The following EYA2 variants were observed in gnomAD, a reference collection of about 807,000 sequenced individuals.
EYA2 encodes the protein EYA transcriptional coactivator and phosphatase 2, also known as protein phosphatase EYA2.
In EYA2, 31 loss-of-function variants were observed where a neutral mutation model predicts 69.2. The ratio of observed to expected loss-of-function variants is 0.45; its 90% confidence interval spans 0.34 to 0.60. The LOEUF is 0.60. Ranked by LOEUF, EYA2 falls within the 20% of genes least tolerant of loss-of-function variation. The pLI is 0.02. For synonymous variants in EYA2, 257 were observed against 279.4 expected, an observed-to-expected ratio of 0.92 and a Z score of 0.80; for missense variants, 622 against 701.2, an observed-to-expected ratio of 0.89 and a Z score of 1.28.
rs11472093 is a variant in EYA2 at position 47,184,592 on chromosome 20, A to AT, written c.1536+1212dup. Among the ~76,000 whole-genome samples the AT allele has an allele frequency of 1.3e-3, 193 of 145,816 alleles. 1 individual carries two copies. The highest frequency in any genetic ancestry group is 1.5e-3 in the African/African-American group (60 of 39,720). Reference sequence around the variant, plus strand: ...CCACCATACCTGGTTAATTTTTTGTATTTTTTTTTTTATAGAGATGGGGTT... The same window carrying AT: ...CCACCATACCTGGTTAATTTTTTGTATTTTTTTTTTTTATAGAGATGGGGTT... On this transcript the variant is annotated intron_variant, in intron 15 of 15. Transcript: ENST00000327619.
At chr20:46,904,733 A>G (rs1329815339) in intron 1 of EYA2, among the ~76,000 whole-genome samples, 1 of 152,218 alleles carries the variant, frequency 6.6e-6, no homozygotes, top group Admixed American at 6.5e-5. Flanking sequence ...CTGGCTTTGA[A>G]TGGTGCCCAC....
chr20:47,121,372 C>T (rs192785246), intron 9 of EYA2, among the ~76,000 whole-genome samples: 1 of 152,338 alleles, frequency 6.6e-6, no homozygotes, highest in East Asian at 1.9e-4. Context: ...GAATTACACG[C>T]ATGAGCCACC....
At chr20:46,986,307 T>C (rs1981180059) in intron 1 of EYA2, among the ~76,000 whole-genome samples, 1 of 137,732 alleles carries the variant, frequency 7.3e-6, no homozygotes, top group Admixed American at 7.2e-5. Flanking sequence ...ATGTATATAT[T>C]ATATATTATA....
chr20:46,952,417 T>C (rs1431211674), intron 1 of EYA2, among the ~76,000 whole-genome samples: 1 of 152,196 alleles, frequency 6.6e-6, no homozygotes, highest in Non-Finnish European at 1.5e-5. Flanking sequence ...GCTGGCCTCA[T>C]TTAACCTCCT....
chr20:47,011,345 C>T (rs1336180679), intron 4 of EYA2, among the ~76,000 whole-genome samples: 2 of 152,174 alleles, frequency 1.3e-5, no homozygotes, highest in East Asian at 1.9e-4. Context: ...CACGGAGCAC[C>T]TGCTCAGGGG....
chr20:47,178,163 A>G (rs1345500284), intron 12 of EYA2, among the ~76,000 whole-genome samples: 1 of 152,170 alleles, frequency 6.6e-6, no homozygotes, highest in Non-Finnish European at 1.5e-5. Context: ...CCCCACCTCT[A>G]TGAAAAATAC....
chr20:47,127,502 G>A (rs1319767579), intron 9 of EYA2, among the ~76,000 whole-genome samples: 1 of 152,246 alleles, frequency 6.6e-6, no homozygotes, highest in Non-Finnish European at 1.5e-5. Flanking sequence ...TACTCAGGAG[G>A]CTGAGGCAGG....
intron 1 of EYA2, among the ~76,000 whole-genome samples, chr20:46,969,369 C>A (rs1252006698): frequency 6.6e-6 from 1 of 152,200 alleles, no homozygotes; most frequent in Non-Finnish European, 1.5e-5. Context: ...AGGCATGAGC[C>A]ACCGTGCCCG....
At chr20:47,097,787 C>G (rs2032295686) in intron 9 of EYA2, among the ~76,000 whole-genome samples, 3 of 152,154 alleles carry the variant, frequency 2.0e-5, no homozygotes, top group African/African-American at 7.2e-5. Flanking sequence ...CAAACCTTGT[C>G]AATTATTTGG....
intron 5 of EYA2, among the ~76,000 whole-genome samples, chr20:47,047,045 A>G (rs2030075423): frequency 6.6e-6 from 1 of 152,192 alleles, no homozygotes; most frequent in Non-Finnish European, 1.5e-5. Flanking sequence ...CTCATTTTCT[A>G]AAATGTATCG....
intron 1 of EYA2, among the ~76,000 whole-genome samples, chr20:46,948,768 T>C (rs1220108471): frequency 6.6e-6 from 1 of 152,244 alleles, no homozygotes; most frequent in Non-Finnish European, 1.5e-5. Context: ...AAGGTAACTG[T>C]CAGTTCCAAA....
intron 5 of EYA2, among the ~76,000 whole-genome samples, chr20:47,050,249 G>A (rs1208073320): frequency 6.6e-6 from 1 of 152,178 alleles, no homozygotes; most frequent in Non-Finnish European, 1.5e-5. Context: ...CAGAGTCTGG[G>A]TCCTAACCCC....
intron 5 of EYA2, among the ~76,000 whole-genome samples, chr20:47,047,277 G>A (rs1263997470): frequency 1.3e-5 from 2 of 152,142 alleles, no homozygotes; most frequent in African/African-American, 2.4e-5. Context: ...AGACTCCTAG[G>A]CGAGGGGCAG....
intron 9 of EYA2, among the ~76,000 whole-genome samples, chr20:47,103,807 A>G (rs900126165): frequency 1.3e-5 from 2 of 152,218 alleles, no homozygotes; most frequent in Non-Finnish European, 2.9e-5. Flanking sequence ...GAGCCAGACC[A>G]TATCACAGTT....
In EYA2 at chr20:47,074,180, T is replaced by C; in HGVS notation, c.506T>C (p.Phe169Ser). The C allele has an allele frequency of 6.2e-7, 1 of 1,611,882 alleles. No homozygotes were observed. The highest frequency in any genetic ancestry group is 8.5e-7 in the Non-Finnish European group (1 of 1,178,516). The change falls in exon 7 of 16, where the codon TTC (phenylalanine) becomes TCC (serine). Residue 169 changes from phenylalanine (F) to serine (S), a missense_variant. By Grantham distance (155) the Phe-to-Ser change is radical. Around this residue, in one of 2 missense-constraint regions of EYA2, gnomAD observed 365 missense variants for 349.7 expected, o/e 1.04. Coordinates refer to ENST00000327619, the MANE Select transcript of EYA2 (RefSeq NM_005244.5). ...VHQDYPSYPG[F>S]PQSQYPQYYG... ...CAGGACTATCCTTCCTACCCCGGCT[T>C]CCCCCAGAGCCAGTACCCCCAGTAT...
chr20:47,076,237 A>C (rs995666790), intron 7 of EYA2, among the ~76,000 whole-genome samples: 11 of 152,244 alleles, frequency 7.2e-5, no homozygotes, highest in African/African-American at 2.7e-4. Flanking sequence ...TTGCTGGTAT[A>C]TATCCAAATG....
At chr20:46,968,685 A>G (rs1979938950) in intron 1 of EYA2, among the ~76,000 whole-genome samples, 2 of 151,902 alleles carry the variant, frequency 1.3e-5, no homozygotes, top group South Asian at 4.2e-4. Context: ...CCTGACTTCT[A>G]CCCACCGGAT....
chr20:47,115,759 C>T (rs1286555501), intron 9 of EYA2, among the ~76,000 whole-genome samples: 1 of 152,194 alleles, frequency 6.6e-6, no homozygotes, highest in Non-Finnish European at 1.5e-5. Context: ...CCACCTTCTC[C>T]ATCCTCACCC....
intron 11 of EYA2, among the ~76,000 whole-genome samples, chr20:47,172,304 C>T (rs561384098): frequency 5.9e-4 from 90 of 151,734 alleles, no homozygotes; most frequent in African/African-American, 1.9e-3. Context: ...AGTGTGGTGG[C>T]GCACACACGA....
Sources: allele counts gnomAD v4.1 joint callset (sites outside exome capture counted in the v4.1 genomes callset), GRCh38; gene constraint gnomAD v4.1.1; regional missense constraint gnomAD v4.1.1; transcripts MANE v1.5; gene names NCBI Gene and HGNC (gene_info 2026-07-23, HGNC 2026-07-21).